UBE2R2: variants seen among roughly 807,000 people sequenced by gnomAD.
UBE2R2 encodes ubiquitin-conjugating enzyme E2 R2.
In UBE2R2, 1 loss-of-function variant was observed where a neutral mutation model predicts 27.8. The ratio of observed to expected loss-of-function variants is 0.04; its 90% CI spans 0.01 to 0.17. The LOEUF is 0.17. Ranked by LOEUF, UBE2R2 falls within the 10% of genes least tolerant of loss-of-function variation. The pLI is 1.00. For missense variants in UBE2R2, 100 were observed against 291.0 expected (o/e 0.34, Z 4.78); for synonymous variants, 106 against 113.3 (o/e 0.94, Z 0.41).
At chr9:33,829,071 G>C (rs949717617) in intron 1 of UBE2R2, among the ~76,000 whole-genome samples, 1 of 151,940 alleles carries the variant, frequency 6.6e-6, no homozygotes, top group Admixed American at 6.6e-5. Context: ...GGGTTTCACT[G>C]TGTTGGCCAG....
Position 33,817,637 on chromosome 9 carries a change from A to G in UBE2R2, c.-121A>G. ...CCTGGTCTGGCCCGCCGGGTGTGTG[A>G]AGACCGGGGCCCGGTGCTGCCCGGC... is the stretch of plus-strand genomic sequence containing the variant. On this transcript the variant is annotated 5_prime_UTR_variant, in exon 1 of 5. Coordinates refer to ENST00000263228, the MANE Select transcript of UBE2R2 (RefSeq NM_017811.4). The G allele has an allele frequency of 1.8e-6, 2 of 1,108,120 alleles. No individual in the cohort carries two copies. The highest frequency in any genetic ancestry group is 2.2e-6 in the Non-Finnish European group (2 of 908,924). The allele number at this position is 1,108,120 out of a possible 1,614,324, so 68.6% of individuals were successfully genotyped here.
chr9:33,909,712 C>A (rs1044751184), intron 3 of UBE2R2, among the ~76,000 whole-genome samples: 16 of 152,168 alleles, frequency 1.1e-4, no homozygotes, highest in African/African-American at 3.9e-4. Context: ...AGCCACCACG[C>A]CTGGGCTTCT....
chr9:33,831,764 A>C (rs533940281), intron 1 of UBE2R2, among the ~76,000 whole-genome samples: 72 of 152,000 alleles, frequency 4.7e-4, no homozygotes, highest in Non-Finnish European at 8.1e-4. Flanking sequence ...GGTTCATGCC[A>C]TTCTCCTGCC....
Position 33,917,630 on chromosome 9 carries a change from T to C in UBE2R2, c.*393T>C. The C allele has an allele frequency of 2.8e-6, 1 of 351,518 alleles. No individual in the cohort carries two copies. Among genetic ancestry groups the C allele is most frequent in the East Asian group, 4.4e-5 (1 of 22,530 alleles). 21.8% of individuals were successfully genotyped at this position (351,518 alleles called of 1,614,324 possible). A position where few individuals can be genotyped will look rare whatever the true frequency, so the allele number is the denominator to read the frequency against. ...TTTAATGTGTTTAAAGCTGGGAACC[T>C]GTTGGGAGTTCACAAGTGCTGCATA... is the stretch of plus-strand genomic sequence containing the variant. On this transcript the variant is annotated 3_prime_UTR_variant, in exon 5 of 5. Coordinates refer to ENST00000263228, the MANE Select transcript of UBE2R2 (RefSeq NM_017811.4).
At chr9:33,823,032 G>C (rs926785639) in intron 1 of UBE2R2, among the ~76,000 whole-genome samples, 10 of 149,988 alleles carry the variant, frequency 6.7e-5, no homozygotes, top group African/African-American at 2.0e-4. Flanking sequence ...AGCCTCCCAA[G>C]TAGCTGGGAT....
intron 2 of UBE2R2, among the ~76,000 whole-genome samples, chr9:33,896,572 A>G (rs1377229121): frequency 6.6e-6 from 1 of 151,058 alleles, no homozygotes; most frequent in African/African-American, 2.4e-5. Context: ...CCTTCTGAGT[A>G]GCTGGGACTA....
At position 33,822,271 on chromosome 9, in the gene UBE2R2, G is replaced by A. The variant is rs538611781; in HGVS notation, c.177+4337G>A. ...CATGCCCAGCTAATTCTGTATTTTT[G>A]GTAGAGACGAGGTTTCTCCATGTTG... On this transcript the variant is annotated intron_variant, in intron 1 of 4. Transcript: ENST00000263228. Among the ~76,000 whole-genome samples, 166 of 151,332 alleles carry A rather than the reference G, an allele frequency of 1.1e-3. 1 individual carries two copies. The highest frequency in any genetic ancestry group is 3.9e-3 in the African/African-American group (159 of 41,254).
chr9:33,824,802 CAAAAAAA>C (rs1172352568), intron 1 of UBE2R2, among the ~76,000 whole-genome samples: 1 of 77,034 alleles, frequency 1.3e-5, no homozygotes, highest in African/African-American at 4.4e-5. Context: ...AGCTCTGTCT[CAAAAAAA>C]AAAAAAAAAA....
intron 3 of UBE2R2, among the ~76,000 whole-genome samples, chr9:33,901,266 A>G (rs1243918663): frequency 6.6e-6 from 1 of 152,176 alleles, no homozygotes; most frequent in African/African-American, 2.4e-5. Flanking sequence ...TTTGGGAGAG[A>G]AAGACCAGAG....
chr9:33,844,860 G>A (rs549534958), intron 1 of UBE2R2, among the ~76,000 whole-genome samples: 2 of 151,374 alleles, frequency 1.3e-5, no homozygotes, highest in African/African-American at 4.8e-5. Flanking sequence ...TCCACCTCCC[G>A]GGTTCAAGCG....
In UBE2R2 at chr9:33,918,503, G is replaced by A. The variant is rs2130829094; in HGVS notation, c.*1266G>A. 1 of 152,084 alleles carries A rather than the reference G, an allele frequency of 6.6e-6. No individual in the cohort carries two copies. Among genetic ancestry groups the A allele is most frequent in the East Asian group, 1.9e-4 (1 of 5,168 alleles). 9.4% of individuals were successfully genotyped at this position (152,084 alleles called of 1,614,324 possible). On this transcript the variant is annotated 3_prime_UTR_variant, in exon 5 of 5. Transcript: ENST00000263228. ...GCAGGCAGTTTTTAGGCCAGATAAG[G>A]CTAGATCTTCCTGCAATGCACTTGC...
intron 1 of UBE2R2, among the ~76,000 whole-genome samples, chr9:33,837,574 T>C (rs1244045097): frequency 6.6e-6 from 1 of 152,026 alleles, no homozygotes; most frequent in Non-Finnish European, 1.5e-5. Context: ...TGTAGGCACC[T>C]GCTACCACAC....
At chr9:33,850,626 T>G (rs1188936106) in intron 1 of UBE2R2, among the ~76,000 whole-genome samples, 1 of 152,174 alleles carries the variant, frequency 6.6e-6, no homozygotes, top group East Asian at 1.9e-4. Context: ...CCCCTACAAA[T>G]CCTGCCAATC....
intron 3 of UBE2R2, among the ~76,000 whole-genome samples, 194 bp from the exon 4 acceptor site, chr9:33,911,770 C>T (rs1822497669): frequency 6.6e-6 from 1 of 151,860 alleles, no homozygotes; most frequent in Non-Finnish European, 1.5e-5. Context: ...TTTTATTTTT[C>T]TTAAATGCCT....
intron 3 of UBE2R2, among the ~76,000 whole-genome samples, chr9:33,900,887 G>A (rs542189893): frequency 1.3e-5 from 2 of 152,124 alleles, no homozygotes; most frequent in South Asian, 4.2e-4. Flanking sequence ...ATATTTAATA[G>A]TCATGTCTTC....
At chr9:33,911,879 C>A in intron 3 of UBE2R2, 85 bp from the exon 4 acceptor site, 3 of 1,278,332 alleles carry the variant, frequency 2.3e-6, no homozygotes, top group East Asian at 2.7e-5. Flanking sequence ...AATTTGAAAT[C>A]TGATTGTACT....
chr9:33,839,674 C>CCA (rs1272188698), intron 1 of UBE2R2, among the ~76,000 whole-genome samples: 1 of 152,134 alleles, frequency 6.6e-6, no homozygotes, highest in Admixed American at 6.6e-5. Flanking sequence ...CTTGGTCTTC[C>CCA]CAGTCTCCAG....
At chr9:33,825,284 C>T (rs944774275) in intron 1 of UBE2R2, among the ~76,000 whole-genome samples, 2 of 149,836 alleles carry the variant, frequency 1.3e-5, no homozygotes, top group Admixed American at 1.3e-4. Context: ...CTCTGTTACC[C>T]AAGCTGGAGT....
intron 2 of UBE2R2, among the ~76,000 whole-genome samples, chr9:33,887,367 A>T (rs927555307): frequency 1.8e-4 from 27 of 152,054 alleles, no homozygotes; most frequent in Non-Finnish European, 5.9e-5. Flanking sequence ...TGGTAGGGGG[A>T]GCGGGATTTA....
Sources: gnomAD v4.1 joint callset for allele counts (sites outside exome capture counted in the v4.1 genomes callset) on GRCh38, gnomAD v4.1.1 for gene constraint, MANE v1.5 for transcripts, NCBI Gene and HGNC (gene_info 2026-07-23, HGNC 2026-07-21) for gene names.